Variants in CDK8 observed in about 807,000 individuals in gnomAD.
The protein encoded by CDK8 is cyclin dependent kinase 8, also known as cyclin-dependent kinase 8.
A neutral mutation model predicts 71.5 loss-of-function variants in CDK8; 29 were observed. The ratio of observed to expected loss-of-function variants is 0.41; its 90% CI spans 0.30 to 0.55. The LOEUF is 0.55. Among genes scored for constraint, CDK8 ranks in the 20% least tolerant of loss-of-function variants. The pLI is 0.37. For missense variants in CDK8, 288 were observed against 572.6 expected, an observed-to-expected ratio of 0.50 and a Z score of 5.07; for synonymous variants, 161 against 192.1, an observed-to-expected ratio of 0.84 and a Z score of 1.34.
chr13:26,267,685 T>G (rs7140084), intron 1 of CDK8, among the ~76,000 whole-genome samples: 16,460 of 152,192 alleles, frequency 0.11, 2,634 homozygotes, highest in African/African-American at 0.35. Context: ...TCGTTTTGTT[T>G]TATGTGTATA....
At chr13:26,301,708 A>G (rs1175682) in intron 1 of CDK8, among the ~76,000 whole-genome samples, 126,050 of 152,132 alleles carry the variant, frequency 0.83, 53,937 homozygotes, top group East Asian at 0.99. Flanking sequence ...GACATTCCCC[A>G]TAATGTCACC....
intron 1 of CDK8, 108 bp from the exon 2 acceptor site, chr13:26,337,459 A>C (rs940376087): frequency 1.0e-5 from 4 of 400,662 alleles, no homozygotes; most frequent in Non-Finnish European, 1.7e-5. Context: ...TATATTGAAT[A>C]ATGTCAAATG....
chr13:26,353,811 G>GTCAC lies in CDK8; in HGVS notation c.389_392dup (p.Leu132ThrfsTer15). ...TTCAGTTACCTCGGGGAATGGTGAAGTCACTATTATATCAGATCCTAGATG... is the reference window on the plus strand; with the variant it reads ...TTCAGTTACCTCGGGGAATGGTGAAGTCACTCACTATTATATCAGATCCTAGATG... On this transcript the variant is annotated frameshift_variant, in exon 4 of 13. Coordinates refer to ENST00000381527, the MANE Select transcript of CDK8 (RefSeq NM_001260.3). LOFTEE classifies it high-confidence loss of function. The GTCAC allele has an allele frequency of 6.2e-7, 1 of 1,611,706 alleles. No individual in the cohort carries two copies. Among genetic ancestry groups the GTCAC allele is most frequent in the Non-Finnish European group, 8.5e-7 (1 of 1,177,932 alleles).
At chr13:26,293,667 G>T (rs2137905536) in intron 1 of CDK8, among the ~76,000 whole-genome samples, 1 of 150,778 alleles carries the variant, frequency 6.6e-6, no homozygotes, top group East Asian at 1.9e-4. Flanking sequence ...GAAATATGTG[G>T]AACAAATTTT....
intron 1 of CDK8, among the ~76,000 whole-genome samples, chr13:26,289,560 T>C (rs1218476365): frequency 6.6e-6 from 1 of 152,132 alleles, no homozygotes; most frequent in Non-Finnish European, 1.5e-5. Context: ...GCTTGTTTGT[T>C]TGTTTTTTGA....
chr13:26,404,210 A>G lies in CDK8; in HGVS notation c.*129A>G. ...CACATCTTCAAAATGTCCAGTAGCC[A>G]AGTTCCACCACTTTTCACAGATTGG... On this transcript the variant is annotated 3_prime_UTR_variant, in exon 13 of 13. Coordinates refer to ENST00000381527, the MANE Select transcript of CDK8 (RefSeq NM_001260.3). 1 of 1,073,058 alleles carries G rather than the reference A, an allele frequency of 9.3e-7. No homozygotes were observed. The highest frequency in any genetic ancestry group is 1.3e-6 in the Non-Finnish European group (1 of 758,766). 66.5% of individuals were successfully genotyped at this position (1,073,058 alleles called of 1,614,324 possible). A position where few individuals can be genotyped will look rare whatever the true frequency, so the allele number is the denominator to read the frequency against.
chr13:26,348,444 A>G (rs775161399), intron 2 of CDK8, among the ~76,000 whole-genome samples: 6 of 152,158 alleles, frequency 3.9e-5, no homozygotes, highest in African/African-American at 7.2e-5. Flanking sequence ...CTTGAACACT[A>G]TTGTGAACTG....
In CDK8 at chr13:26,317,907, C is replaced by A. The variant is rs372688562; in HGVS notation, c.129-19660C>A. Among the ~76,000 whole-genome samples the A allele has an allele frequency of 3.3e-5, 5 of 151,728 alleles. No individual in the cohort carries two copies. In the East Asian group the frequency reaches 7.7e-4, roughly 23 times the overall value. ...AAGAACAAACTAAACCCAAAGCTGGCAAAAGGAAGGAAATAAAAGAGTAGG... is the reference window on the plus strand; with the variant it reads ...AAGAACAAACTAAACCCAAAGCTGGAAAAAGGAAGGAAATAAAAGAGTAGG... On this transcript the variant is annotated intron_variant, in intron 1 of 12. Coordinates refer to ENST00000381527, the MANE Select transcript of CDK8 (RefSeq NM_001260.3).
chr13:26,358,006 A>G (rs903906993), intron 4 of CDK8, among the ~76,000 whole-genome samples: 1 of 152,168 alleles, frequency 6.6e-6, no homozygotes, highest in Non-Finnish European at 1.5e-5. Context: ...TTACACATCA[A>G]ATTATTCATC....
chr13:26,324,437 T>C (rs553239575), intron 1 of CDK8, among the ~76,000 whole-genome samples: 1 of 152,292 alleles, frequency 6.6e-6, no homozygotes, highest in African/African-American at 2.4e-5. Context: ...GGATGTCTTA[T>C]TAGCACATCA....
intron 1 of CDK8, among the ~76,000 whole-genome samples, chr13:26,312,661 C>T (rs975307754): frequency 8.6e-5 from 13 of 151,602 alleles, no homozygotes; most frequent in African/African-American, 3.2e-4. Flanking sequence ...CTCTAGGGTC[C>T]GCGGCTTCAT....
At chr13:26,362,930 G>A (rs1226697759) in intron 4 of CDK8, among the ~76,000 whole-genome samples, 1 of 150,610 alleles carries the variant, frequency 6.6e-6, no homozygotes, top group Non-Finnish European at 1.5e-5. Flanking sequence ...AGTGTGTATT[G>A]TAGTCCTGTT....
chr13:26,387,785 G>T (rs1047048744), intron 6 of CDK8, among the ~76,000 whole-genome samples: 1 of 152,136 alleles, frequency 6.6e-6, no homozygotes, highest in African/African-American at 2.4e-5. Context: ...TCAGACCTTA[G>T]TGAAAATAGT....
chr13:26,385,084 T>C, intron 5 of CDK8, 127 bp from the exon 6 acceptor site: 1 of 715,112 alleles, frequency 1.4e-6, no homozygotes, highest in Non-Finnish European at 2.2e-6. Flanking sequence ...AATGGATGTT[T>C]TGTGGGTTTC....
intron 1 of CDK8, among the ~76,000 whole-genome samples, chr13:26,315,454 G>T (rs965289686): frequency 6.6e-6 from 1 of 152,130 alleles, no homozygotes; most frequent in Non-Finnish European, 1.5e-5. Context: ...GTGTATGTGT[G>T]TATACACATG....
In CDK8 at chr13:26,321,168, A is replaced by G. The variant is rs7992376; in HGVS notation, c.129-16399A>G. On this transcript the variant is annotated intron_variant, in intron 1 of 12. Coordinates refer to ENST00000381527, the MANE Select transcript of CDK8 (RefSeq NM_001260.3). ...ATCCTAAGTGCCCACTGAAGGATGA[A>G]TAGATGAGCAAATGTGTAAGGAACA... Among the ~76,000 whole-genome samples the G allele has an allele frequency of 6.4e-3, 971 of 152,336 alleles. 10 individuals carry two copies. The highest frequency in any genetic ancestry group is 0.021 in the African/African-American group (868 of 41,582).
intron 1 of CDK8, among the ~76,000 whole-genome samples, chr13:26,319,394 G>T (rs564992330): frequency 9.9e-5 from 15 of 151,730 alleles, no homozygotes; most frequent in South Asian, 2.1e-4. Context: ...GCTTGAACTC[G>T]GGAGGCGGAG....
At chr13:26,337,949 A>G (rs1181347632) in intron 2 of CDK8, among the ~76,000 whole-genome samples, 2 of 152,104 alleles carry the variant, frequency 1.3e-5, no homozygotes, top group African/African-American at 4.8e-5. Flanking sequence ...ATGTTAGTCC[A>G]TAGAAAATTA....
At chr13:26,371,668 T>G (rs1874693641) in intron 4 of CDK8, among the ~76,000 whole-genome samples, 1 of 152,034 alleles carries the variant, frequency 6.6e-6, no homozygotes, top group Non-Finnish European at 1.5e-5. Flanking sequence ...CATGCTGGAG[T>G]GCAATGGCGT....
Sources: gnomAD v4.1 joint callset for allele counts (sites outside exome capture counted in the v4.1 genomes callset) on GRCh38, gnomAD v4.1.1 for gene constraint, MANE v1.5 for transcripts, NCBI Gene and HGNC (gene_info 2026-07-23, HGNC 2026-07-21) for gene names.